TBX4: variants seen among roughly 807,000 people sequenced by gnomAD.
The protein encoded by TBX4 is T-box transcription factor 4.
A neutral mutation model predicts 54.6 loss-of-function variants in TBX4; 13 were observed. The ratio of observed to expected loss-of-function variants is 0.24; its 90% CI spans 0.15 to 0.38. The LOEUF (loss-of-function observed/expected upper bound fraction) is 0.38. TBX4 is among the 10% of genes least tolerant of loss of function. The pLI, the probability that TBX4 is intolerant of heterozygous loss-of-function variation, is 1.00. For synonymous variants in TBX4, 314 were observed against 306.7 expected, an observed-to-expected ratio of 1.02 and a Z score of -0.25; for missense variants, 631 against 728.5, an observed-to-expected ratio of 0.87 and a Z score of 1.54.
chr17:61,453,992 G>A (rs550175750), intron 1 of TBX4, among the ~76,000 whole-genome samples: 71 of 152,294 alleles, frequency 4.7e-4, no homozygotes, highest in Non-Finnish European at 7.6e-4. Flanking sequence ...ATAGATTAAC[G>A]TGACCTATTG....
rs2060503263 is a variant in TBX4 at position 61,462,532 on chromosome 17, G to A, written c.282-3287G>A. Among the ~76,000 whole-genome samples, 1 of 149,574 alleles carries A rather than the reference G, an allele frequency of 6.7e-6. No homozygotes were observed. Among genetic ancestry groups the A allele is most frequent in the Admixed American group, 6.6e-5 (1 of 15,088 alleles). On this transcript the variant is annotated intron_variant, in intron 3 of 8. Coordinates refer to ENST00000644296, the MANE Select transcript of TBX4 (RefSeq NM_001321120.2). This position sits in a 1 kb window ranked among gnomAD's most constrained non-coding sequence, Gnocchi z 4.5. ...GGTGGGAGCAGGGAGAGGGTAGGGG[G>A]CATAGGGAGAGGGTGCAGGGAGGGG...
chr17:61,475,107 T>C lies in TBX4; in HGVS notation c.550-3520T>C, dbSNP rs2060610688. On this transcript the variant is annotated intron_variant, in intron 5 of 8. Coordinates refer to ENST00000644296, the MANE Select transcript of TBX4 (RefSeq NM_001321120.2). The surrounding 1 kb of genome is among the most constrained non-coding windows in gnomAD (Gnocchi z 5.0). Reference sequence around the variant, plus strand: ...ACCGGGGTTACCCTCACCTAGTGGCTCCCACCTGCCCCTGTAGGACTGGCA... The same window carrying C: ...ACCGGGGTTACCCTCACCTAGTGGCCCCCACCTGCCCCTGTAGGACTGGCA... Among the ~76,000 whole-genome samples the C allele has an allele frequency of 1.3e-5, 2 of 152,212 alleles. No individual in the cohort carries two copies. The highest frequency in any genetic ancestry group is 4.1e-4 in the South Asian group (2 of 4,820).
Position 61,483,414 on chromosome 17 carries a change from T to G in TBX4, c.1539T>G (p.Ala513=), listed in dbSNP as rs1283511607. The G allele has an allele frequency of 6.2e-7, 1 of 1,613,642 alleles. No homozygotes were observed. The highest frequency in any genetic ancestry group is 8.5e-7 in the Non-Finnish European group (1 of 1,179,556). ...AGCCACCCTCGCCACATCTAAATGC[T>G]GCCAATGAGTTTCTCTACTCTCAAA... ...ERKPPSPHLN[A]ANEFLYSQTF... The change falls in exon 9 of 9, where the codon GCT becomes GCG. Residue 513 remains alanine, a synonymous_variant. Coordinates refer to ENST00000644296, the MANE Select transcript of TBX4 (RefSeq NM_001321120.2). The surrounding 1 kb of genome is among the most constrained non-coding windows in gnomAD (Gnocchi z 6.6).
chr17:61,456,651 T>C lies in TBX4; in HGVS notation c.161T>C (p.Val54Ala), dbSNP rs764025450. 3.0e-6 allele frequency: 4 copies of C among 1,349,798 alleles called. No homozygotes were observed. In the South Asian group the frequency reaches 7.9e-5, roughly 27 times the overall value. 83.6% of individuals were successfully genotyped at this position (1,349,798 alleles called of 1,614,324 possible). The part of the protein sequence containing the change: ...LGSPPGPGAD[V>A]VAAAAAEQTI... ...AGCCCCCCGGGACCCGGGGCCGACG[T>C]CGTCGCCGCCGCCGCCGCGGAGCAG... The change falls in exon 2 of 9, where the codon GTC (valine) becomes GCC (alanine). Residue 54 changes from valine (V) to alanine (A), a missense_variant. By Grantham distance (64) the Val-to-Ala change is moderately conservative (BLOSUM62 0). Around this residue, in one of 3 missense-constraint regions of TBX4, gnomAD observed 123 missense variants for 120.9 expected, o/e 1.02. Coordinates refer to ENST00000644296, the MANE Select transcript of TBX4 (RefSeq NM_001321120.2).
At chr17:61,456,338 C>A in intron 1 of TBX4, 150 bp from the exon 2 acceptor site, 1 of 1,043,252 alleles carries the variant, frequency 9.6e-7, no homozygotes, top group Non-Finnish European at 1.4e-6. Context: ...CTTGCGGGTT[C>A]CCTCCTCCAG....
At position 61,453,055 on chromosome 17, in the gene TBX4, C is replaced by T. The variant is rs527632271; in HGVS notation, c.-4+478C>T. On this transcript the variant is annotated intron_variant, in intron 1 of 8. Transcript: ENST00000644296. ...GACTAGTCAAAATTAAAGCAAGGAA[C>T]ATTATATATAAATAATGATCGATGA... 96 of 892,272 alleles carry T rather than the reference C, an allele frequency of 1.1e-4. 2 individuals are homozygous for T. The South Asian group carries it at 4.4e-3, about 41-fold the overall frequency. The allele number at this position is 892,272 out of a possible 1,614,324, so 55.3% of individuals were successfully genotyped here. A position where few individuals can be genotyped will look rare whatever the true frequency, so the allele number is the denominator to read the frequency against.
chr17:61,465,952 G>T lies in TBX4; in HGVS notation c.401+14G>T. 1.2e-6 allele frequency: 2 copies of T among 1,613,580 alleles called. No homozygotes were observed. The highest frequency in any genetic ancestry group is 2.2e-5 in the South Asian group (2 of 91,022). On this transcript the variant is annotated intron_variant, in intron 4 of 8. Transcript: ENST00000644296. This position sits in a 1 kb window ranked among gnomAD's most constrained non-coding sequence, Gnocchi z 4.9. ...TGACAACAAATGGTAAGTGGACCCT[G>T]ACCGCATCACCCACGTTCCCTCAAC...
intron 1 of TBX4, among the ~76,000 whole-genome samples, chr17:61,454,668 C>T (rs2060434372): frequency 6.6e-6 from 1 of 152,232 alleles, no homozygotes; most frequent in Non-Finnish European, 1.5e-5. Context: ...CGTCCCCAGT[C>T]CGAGCTGCGG....
intron 1 of TBX4, among the ~76,000 whole-genome samples, chr17:61,453,402 G>C (rs533743929): frequency 6.6e-6 from 1 of 152,178 alleles, no homozygotes; most frequent in East Asian, 1.9e-4. Flanking sequence ...TAGTGGTAGT[G>C]ATATAATAAT....
chr17:61,465,772 C>T lies in TBX4; in HGVS notation c.282-47C>T. 6.2e-7 allele frequency: 1 copy of T among 1,612,352 alleles called. No individual in the cohort carries two copies. The highest frequency in any genetic ancestry group is 8.5e-7 in the Non-Finnish European group (1 of 1,179,012). ...CCCTTGCTCACTCTGTTCCATCTCT[C>T]CTGGTGCTCTGTCCACACGCTCCGC... is the stretch of plus-strand genomic sequence containing the variant. On this transcript the variant is annotated intron_variant, in intron 3 of 8. Coordinates refer to ENST00000644296, the MANE Select transcript of TBX4 (RefSeq NM_001321120.2). The surrounding 1 kb of genome is among the most constrained non-coding windows in gnomAD (Gnocchi z 4.9).
rs74888907 is a variant in TBX4, at chr17:61,473,086, G to A, written c.549+5429G>A. ...AAAGGAGCTTATTTGTATTTTTATT[G>A]GATTTTCCTTAAATTATAAATTTAC... On this transcript the variant is annotated intron_variant, in intron 5 of 8. Coordinates refer to ENST00000644296, the MANE Select transcript of TBX4 (RefSeq NM_001321120.2). 3.6e-3 allele frequency among the ~76,000 whole-genome samples: 547 copies of A among 152,190 alleles called. 4 individuals carry two copies. The highest frequency in any genetic ancestry group is 0.013 in the African/African-American group (531 of 41,512).
intron 2 of TBX4, 73 bp downstream of exon 2, chr17:61,456,749 C>T: frequency 3.3e-6 from 4 of 1,198,538 alleles, no homozygotes; most frequent in Non-Finnish European, 4.3e-6. Context: ...TCCGTCTTTC[C>T]GTCCGATTGT....
intron 1 of TBX4, among the ~76,000 whole-genome samples, chr17:61,455,264 G>C (rs535141245): frequency 1.8e-4 from 28 of 152,336 alleles, no homozygotes; most frequent in African/African-American, 6.7e-4. Context: ...AGATGGGCGA[G>C]AGGCCTGAGC....
intron 1 of TBX4, among the ~76,000 whole-genome samples, chr17:61,454,215 T>C (rs1262271715): frequency 1.3e-5 from 2 of 152,254 alleles, no homozygotes; most frequent in Non-Finnish European, 2.9e-5. Flanking sequence ...AATACTACTA[T>C]GGTAATAAGG....
chr17:61,459,378 C>A lies in TBX4; in HGVS notation c.281+1747C>A, dbSNP rs777722460. Among the ~76,000 whole-genome samples, 1 of 152,064 alleles carries A rather than the reference C, an allele frequency of 6.6e-6. No homozygotes were observed. The highest frequency in any genetic ancestry group is 1.5e-5 in the Non-Finnish European group (1 of 68,030). ...AATGGATAATCCACTTGATCAAGTGCGAAGGGGAATGGGGCTATTTCTTGT... is the reference window on the plus strand; with the variant it reads ...AATGGATAATCCACTTGATCAAGTGAGAAGGGGAATGGGGCTATTTCTTGT... On this transcript the variant is annotated intron_variant, in intron 3 of 8. Coordinates refer to ENST00000644296, the MANE Select transcript of TBX4 (RefSeq NM_001321120.2). This position sits in a 1 kb window ranked among gnomAD's most constrained non-coding sequence, Gnocchi z 4.8.
At chr17:61,456,322 G>T in intron 1 of TBX4, 166 bp from the exon 2 acceptor site, 2 of 854,506 alleles carry the variant, frequency 2.3e-6, no homozygotes, top group South Asian at 3.0e-5. Context: ...CGAGGGACCT[G>T]CCTTCCTTGC....
rs1252013470 is a variant in TBX4 at position 61,465,910 on chromosome 17, C to A, written c.373C>A (p.His125Asn). The A allele has an allele frequency of 9.9e-6, 16 of 1,614,002 alleles. No homozygotes were observed. Among genetic ancestry groups the A allele is most frequent in the Non-Finnish European group, 1.4e-5 (16 of 1,179,992 alleles). The change falls in exon 4 of 9, where the codon CAT becomes AAT. Residue 125 changes from histidine (H) to asparagine (N), a missense_variant. By Grantham distance (68) the His-to-Asn change is moderately conservative (BLOSUM62 1). Transcript: ENST00000644296. The surrounding 1 kb of genome is among the most constrained non-coding windows in gnomAD (Gnocchi z 4.9). ...GATTGACATTGTCCCTGCCGATGAC[C>A]ATCGCTACAAGTTCTGTGACAACAA... ...LLIDIVPADD[H>N]RYKFCDNKWM...
Position 61,460,005 on chromosome 17 carries a change from A to G in TBX4, c.281+2374A>G, listed in dbSNP as rs2060483541. 6.6e-6 allele frequency among the ~76,000 whole-genome samples: 1 copy of G among 152,090 alleles called. No homozygotes were observed. Among genetic ancestry groups the G allele is most frequent in the South Asian group, 2.1e-4 (1 of 4,830 alleles). ...CCAAATTCTGTGTGCCTCTACTGGA[A>G]CCCTTCTTGGTACACGTCCATTTGT... On this transcript the variant is annotated intron_variant, in intron 3 of 8. Coordinates refer to ENST00000644296, the MANE Select transcript of TBX4 (RefSeq NM_001321120.2). The surrounding 1 kb of genome is among the most constrained non-coding windows in gnomAD (Gnocchi z 4.4).
At position 61,480,407 on chromosome 17, in the gene TBX4, AC is replaced by A; in HGVS notation, c.1021+89del. On this transcript the variant is annotated intron_variant, in intron 8 of 8. Coordinates refer to ENST00000644296, the MANE Select transcript of TBX4 (RefSeq NM_001321120.2). The surrounding 1 kb of genome is among the most constrained non-coding windows in gnomAD (Gnocchi z 6.2). ...CCACTCTGCAGCGCCCCCCCCCCCAACACACACACACTCATCTCGTGCTTGT... is the reference window on the plus strand; with the variant it reads ...CCACTCTGCAGCGCCCCCCCCCCCAAACACACACACTCATCTCGTGCTTGT... 18 of 937,964 alleles carry A rather than the reference AC, an allele frequency of 1.9e-5. No individual in the cohort carries two copies. The highest frequency in any genetic ancestry group is 2.4e-5 in the Non-Finnish European group (15 of 613,720). The allele number at this position is 937,964 out of a possible 1,614,324, so 58.1% of individuals were successfully genotyped here.
Sources: gnomAD v4.1 joint callset for allele counts (sites outside exome capture counted in the v4.1 genomes callset) on GRCh38, gnomAD v4.1.1 for gene constraint, gnomAD v4.1.1 regional missense constraint, Gnocchi (gnomAD v3.1) non-coding constraint, MANE v1.5 for transcripts, NCBI Gene and HGNC (gene_info 2026-07-23, HGNC 2026-07-21) for gene names.